The following MYO6 variants were observed in gnomAD, a reference collection of about 807,000 sequenced individuals.
The protein encoded by MYO6 is myosin VI.
MYO6 carries 74 observed loss-of-function variants against 178.7 expected under a neutral mutation model. That is an observed-to-expected ratio of 0.41 (90% CI 0.34 to 0.50). The LOEUF is 0.50. Among genes scored for constraint, MYO6 ranks in the 20% least tolerant of loss-of-function variants. MYO6 has a pLI of 0.09. For synonymous variants in MYO6, 477 were observed against 504.6 expected (o/e 0.95, Z 0.73); for missense variants, 1,330 against 1,547.4 (o/e 0.86, Z 2.36).
chr6:75,845,148 CTTG>C lies in MYO6; in HGVS notation c.897+177_897+179del, dbSNP rs373503669. Among the ~76,000 whole-genome samples, 486 of 152,202 alleles carry C rather than the reference CTTG, an allele frequency of 3.2e-3. 2 individuals carry two copies. The highest frequency in any genetic ancestry group is 0.011 in the African/African-American group (473 of 41,528). ...TGTCACAGTGTAATACTTTATACCT[CTTG>C]TTGTTATCTAGTGAAGTGACAGGTT... On this transcript the variant is annotated intron_variant, in intron 10 of 34. Coordinates refer to ENST00000369977, the MANE Select transcript of MYO6 (RefSeq NM_004999.4).
chr6:75,775,019 C>G (rs917555848), intron 1 of MYO6, among the ~76,000 whole-genome samples: 2 of 152,064 alleles, frequency 1.3e-5, no homozygotes, highest in Non-Finnish European at 2.9e-5. Flanking sequence ...GTGTTGAACT[C>G]CTGACCTCAG....
intron 24 of MYO6, among the ~76,000 whole-genome samples, chr6:75,886,503 G>C (rs3798431): frequency 0.91 from 138,179 of 152,214 alleles, 62,841 homozygotes; most frequent in Middle Eastern, 0.96. Context: ...ATAAATTAGT[G>C]TATTTCTTAT....
intron 1 of MYO6, among the ~76,000 whole-genome samples, chr6:75,804,094 A>G (rs762793220): frequency 5.3e-5 from 8 of 152,180 alleles, no homozygotes; most frequent in East Asian, 1.9e-4. Context: ...AGGTCCCACT[A>G]TGTTGCCCAG....
At chr6:75,900,384 G>A (rs915479919) in intron 30 of MYO6, among the ~76,000 whole-genome samples, 56 of 152,102 alleles carry the variant, frequency 3.7e-4, no homozygotes, top group Non-Finnish European at 3.4e-4. Flanking sequence ...TCTCCACATC[G>A]TCTCCAGCAC....
rs1282838213 is a variant in MYO6, at chr6:75,914,815, A to G, written c.3661A>G (p.Lys1221Glu). ...TTTCTGATATCTCATGAATACAGGT[A>G]AGGACGACATGGAGATGTGTGAGCT... is the stretch of plus-strand genomic sequence containing the variant. ...DKPPILLVAG[K>E]DDMEMCELNL... is the part of the protein sequence containing the mutation. The change falls in exon 35 of 35, where the codon AAG becomes GAG. Residue 1221 changes from lysine to glutamate, a missense_variant and splice_region_variant. This residue lies in a region of MYO6 where 601 missense variants were observed against 626.1 expected (regional missense o/e 0.96). Coordinates refer to ENST00000369977, the MANE Select transcript of MYO6 (RefSeq NM_004999.4). 1 of 1,614,118 alleles carries G rather than the reference A, an allele frequency of 6.2e-7. No homozygotes were observed.
At chr6:75,768,108 ATCT>A (rs71998207) in intron 1 of MYO6, 19,188 of 152,004 alleles carry the variant, frequency 0.13, 1,268 homozygotes, top group Non-Finnish European at 0.15. Context: ...AGCTATGGTG[ATCT>A]TCTTTGAGTC....
chr6:75,847,905 A>G (rs1017467612), intron 10 of MYO6, among the ~76,000 whole-genome samples: 9 of 152,048 alleles, frequency 5.9e-5, no homozygotes, highest in Non-Finnish European at 8.8e-5. Context: ...TTGGAATACA[A>G]TGTAATGTTT....
At position 75,808,813 on chromosome 6, in the gene MYO6, A is replaced by G. The variant is rs72654772; in HGVS notation, c.-47-8688A>G. On this transcript the variant is annotated intron_variant, in intron 1 of 34. Coordinates refer to ENST00000369977, the MANE Select transcript of MYO6 (RefSeq NM_004999.4). ...TGTTTTAGGTAGACATGAGACATCAATTAATTTCTGTAAGATGTACATTAG... is the reference window on the plus strand; with the variant it reads ...TGTTTTAGGTAGACATGAGACATCAGTTAATTTCTGTAAGATGTACATTAG... Among the ~76,000 whole-genome samples, 2,005 of 152,304 alleles carry G rather than the reference A, an allele frequency of 0.013. 77 individuals are homozygous for G. In the East Asian group the frequency reaches 0.15, roughly 11 times the overall value.
chr6:75,776,498 G>GCCAA (rs1226594698), intron 1 of MYO6, among the ~76,000 whole-genome samples: 1 of 152,128 alleles, frequency 6.6e-6, no homozygotes, highest in Non-Finnish European at 1.5e-5. Flanking sequence ...GCATCCTTTT[G>GCCAA]CCAACCAGAA....
At chr6:75,840,735 G>A in intron 8 of MYO6, 53 bp downstream of exon 8, 1 of 1,326,450 alleles carries the variant, frequency 7.5e-7, no homozygotes, top group Non-Finnish European at 1.1e-6. Context: ...TTGTGAAAAT[G>A]CAAGGGTCAG....
intron 32 of MYO6, among the ~76,000 whole-genome samples, chr6:75,909,957 G>A (rs1266725696): frequency 2.0e-5 from 3 of 152,140 alleles, no homozygotes; most frequent in Non-Finnish European, 4.4e-5. Context: ...TTGAGTGAGG[G>A]CAATATTATT....
At chr6:75,791,607 C>T (rs565925762) in intron 1 of MYO6, among the ~76,000 whole-genome samples, 1 of 152,164 alleles carries the variant, frequency 6.6e-6, no homozygotes, top group South Asian at 2.1e-4. Context: ...AAAAAGTACT[C>T]GATCAAGGAG....
intron 6 of MYO6, among the ~76,000 whole-genome samples, chr6:75,833,373 A>G (rs1352341560): frequency 6.6e-6 from 1 of 152,170 alleles, no homozygotes; most frequent in Admixed American, 6.5e-5. Flanking sequence ...TAGTAGCATT[A>G]AGTATATTCA....
chr6:75,914,296 CAT>C lies in MYO6; in HGVS notation c.3658+16_3658+17del, dbSNP rs776934691. 6.2e-7 allele frequency: 1 copy of C among 1,609,502 alleles called. No homozygotes were observed. The highest frequency in any genetic ancestry group is 1.3e-5 in the African/African-American group (1 of 74,928). On this transcript the variant is annotated intron_variant, in intron 34 of 34. Transcript: ENST00000369977. The stretch of plus-strand genomic sequence containing the variant: ...ACTTGTGGCTGGTGTGTATGATTCA[CAT>C]GGAAAACAAATTATAGAACAAAAAA...
chr6:75,793,476 C>T (rs1045151674), intron 1 of MYO6, among the ~76,000 whole-genome samples: 3 of 151,922 alleles, frequency 2.0e-5, no homozygotes, highest in Middle Eastern at 3.4e-3. Context: ...TGGTGGCGGG[C>T]GCCTGTAATC....
At chr6:75,787,765 T>TATATATATGTA (rs1562158930) in intron 1 of MYO6, among the ~76,000 whole-genome samples, 1 of 105,628 alleles carries the variant, frequency 9.5e-6, no homozygotes, top group Non-Finnish European at 1.8e-5. Context: ...TATATATGTA[T>TATATATATGTA]TTTTTTTTTT....
intron 30 of MYO6, among the ~76,000 whole-genome samples, chr6:75,903,883 GT>G (rs995484241): frequency 1.3e-5 from 2 of 151,660 alleles, no homozygotes; most frequent in African/African-American, 2.4e-5. Context: ...TCCTTTCCAT[GT>G]TTAGCGCTTC....
At chr6:75,813,251 G>C (rs1562195212) in intron 1 of MYO6, among the ~76,000 whole-genome samples, 1 of 152,090 alleles carries the variant, frequency 6.6e-6, no homozygotes, top group African/African-American at 2.4e-5. Flanking sequence ...CACAGATCAA[G>C]TTCTTCCCAC....
intron 1 of MYO6, among the ~76,000 whole-genome samples, chr6:75,763,970 C>T (rs1172871753): frequency 6.6e-6 from 1 of 152,204 alleles, no homozygotes; most frequent in Non-Finnish European, 1.5e-5. Flanking sequence ...AAACACTCAA[C>T]AGTGACTACT....
Sources: allele counts gnomAD v4.1 joint callset (sites outside exome capture counted in the v4.1 genomes callset), GRCh38; gene constraint gnomAD v4.1.1; regional missense constraint gnomAD v4.1.1; transcripts MANE v1.5; gene names NCBI Gene and HGNC (gene_info 2026-07-23, HGNC 2026-07-21).